Variants in COMMD10 observed in about 807,000 individuals in gnomAD.
COMMD10 encodes COMM domain-containing protein 10.
A neutral mutation model predicts 28.9 loss-of-function variants in COMMD10; 33 were observed. The ratio of observed to expected loss-of-function variants is 1.14; its 90% confidence interval spans 0.87 to 1.53. COMMD10 has a LOEUF of 1.53. COMMD10 is among the 40% of genes most tolerant of loss of function. The pLI is 0.00. For missense variants in COMMD10, 310 were observed against 233.4 expected (o/e 1.33, Z -2.14); for synonymous variants, 110 against 81.7 (o/e 1.35, Z -1.87).
chr5:116,237,857 G>T lies in COMMD10; in HGVS notation c.511-53660G>T, dbSNP rs966032534. Among the ~76,000 whole-genome samples the T allele has an allele frequency of 5.9e-5, 9 of 152,218 alleles. No homozygotes were observed. In the South Asian group the frequency reaches 1.9e-3, roughly 32 times the overall value. On this transcript the variant is annotated intron_variant, in intron 5 of 6. Transcript: ENST00000274458. The stretch of plus-strand genomic sequence containing the variant: ...TACTAATATCATCAACTCCTACTGA[G>T]AATTAGAATAACAGTAGAAACTTTG...
At chr5:116,270,401 CTTTACAGTTGGTTGTGGAGAAGATA>C (rs1245029022) in intron 5 of COMMD10, among the ~76,000 whole-genome samples, 1 of 151,818 alleles carries the variant, frequency 6.6e-6, no homozygotes, top group Non-Finnish European at 1.5e-5. Flanking sequence ...AAAGGTAGAA[CTTTACAGTTGGTTGTGGAGAAGATA>C]TTGACTGTCT....
chr5:116,090,063 A>G (rs201815170), intron 2 of COMMD10, among the ~76,000 whole-genome samples: 1 of 152,096 alleles, frequency 6.6e-6, no homozygotes, highest in East Asian at 1.9e-4. Context: ...CTTTTATTTT[A>G]TTAAGTTTGA....
intron 5 of COMMD10, among the ~76,000 whole-genome samples, chr5:116,144,844 G>T (rs957789215): frequency 2.6e-5 from 4 of 151,790 alleles, no homozygotes; most frequent in African/African-American, 9.7e-5. Context: ...TTATGTAGGG[G>T]AATGTGGATT....
At chr5:116,234,798 G>A (rs1749619076) in intron 5 of COMMD10, among the ~76,000 whole-genome samples, 1 of 152,206 alleles carries the variant, frequency 6.6e-6, no homozygotes, top group Non-Finnish European at 1.5e-5. Context: ...AAGGTTCTCA[G>A]AGTCTGTTTT....
chr5:116,210,602 A>G (rs1030460182), intron 5 of COMMD10, among the ~76,000 whole-genome samples: 4 of 152,142 alleles, frequency 2.6e-5, no homozygotes, highest in Non-Finnish European at 5.9e-5. Context: ...GTCAGCATTT[A>G]TGAATAGTCT....
intron 4 of COMMD10, among the ~76,000 whole-genome samples, chr5:116,116,372 T>A (rs1751234117): frequency 6.6e-6 from 1 of 152,206 alleles, no homozygotes; most frequent in Non-Finnish European, 1.5e-5. Flanking sequence ...GTCGAATGGC[T>A]TTGTCCTAAA....
In COMMD10 at chr5:116,179,699, A is replaced by G. The variant is rs527701362; in HGVS notation, c.510+45521A>G. ...TTGCAAACCAGGTAGTTTTTATGGGATAGGCACCAGAATGCTTTTATAGAT... is the reference window on the plus strand; with the variant it reads ...TTGCAAACCAGGTAGTTTTTATGGGGTAGGCACCAGAATGCTTTTATAGAT... On this transcript the variant is annotated intron_variant, in intron 5 of 6. Coordinates refer to ENST00000274458, the MANE Select transcript of COMMD10 (RefSeq NM_016144.4). Among the ~76,000 whole-genome samples the G allele has an allele frequency of 4.3e-4, 65 of 152,260 alleles. No individual in the cohort carries two copies. The South Asian group carries it at 0.013, about 32-fold the overall frequency.
intron 5 of COMMD10, among the ~76,000 whole-genome samples, chr5:116,283,427 A>G (rs1426005260): frequency 2.0e-5 from 3 of 151,018 alleles, no homozygotes; most frequent in South Asian, 4.2e-4. Flanking sequence ...GCTCACTGCA[A>G]CCTCCACCTC....
At chr5:116,277,003 T>C (rs796423575) in intron 5 of COMMD10, among the ~76,000 whole-genome samples, 8 of 151,946 alleles carry the variant, frequency 5.3e-5, no homozygotes, top group African/African-American at 1.7e-4. Flanking sequence ...CATTGAATTA[T>C]GCACTTTAAG....
chr5:116,218,228 CT>C, intron 5 of COMMD10: 3 of 756,288 alleles, frequency 4.0e-6, no homozygotes, highest in Non-Finnish European at 7.4e-6. Flanking sequence ...TGCAGATCTT[CT>C]CTGTGGTTCG....
chr5:116,244,555 A>T (rs1749890656), intron 5 of COMMD10, among the ~76,000 whole-genome samples: 1 of 150,766 alleles, frequency 6.6e-6, no homozygotes, highest in Non-Finnish European at 1.5e-5. Flanking sequence ...ATATCTGAGG[A>T]GGGGTAAAGA....
chr5:116,099,937 A>G (rs1456351040), intron 4 of COMMD10, among the ~76,000 whole-genome samples: 1 of 152,082 alleles, frequency 6.6e-6, no homozygotes, highest in African/African-American at 2.4e-5. Flanking sequence ...GGATTTTTTG[A>G]ATTTTGGAAT....
At chr5:116,278,490 T>C (rs902798696) in intron 5 of COMMD10, among the ~76,000 whole-genome samples, 2 of 151,852 alleles carry the variant, frequency 1.3e-5, no homozygotes, top group Non-Finnish European at 2.9e-5. Context: ...AGTGATGATA[T>C]GACTGCCAAG....
intron 5 of COMMD10, among the ~76,000 whole-genome samples, chr5:116,225,442 C>T (rs754509120): frequency 7.1e-6 from 1 of 140,846 alleles, no homozygotes; most frequent in African/African-American, 2.6e-5. Context: ...TGGGTTCTGT[C>T]ATATTCTTTT....
chr5:116,097,222 G>A (rs950525959), intron 4 of COMMD10, among the ~76,000 whole-genome samples: 2 of 152,116 alleles, frequency 1.3e-5, no homozygotes, highest in Non-Finnish European at 2.9e-5. Context: ...GAGAATGCTG[G>A]AAATTATCTT....
chr5:116,133,138 A>C (rs1751913469), intron 4 of COMMD10, among the ~76,000 whole-genome samples: 1 of 152,170 alleles, frequency 6.6e-6, no homozygotes, highest in African/African-American at 2.4e-5. Context: ...AGTTTTACTA[A>C]ATCTATTATT....
Position 116,107,854 on chromosome 5 carries a change from G to A in COMMD10, c.399+15154G>A, listed in dbSNP as rs1489074478. Among the ~76,000 whole-genome samples the A allele has an allele frequency of 3.3e-5, 5 of 152,256 alleles. No individual in the cohort carries two copies. In the South Asian group the frequency reaches 8.3e-4, roughly 25 times the overall value. On this transcript the variant is annotated intron_variant, in intron 4 of 6. Transcript: ENST00000274458. Reference sequence around the variant, plus strand: ...TGTTCTTTGATGTTGGTGACCTTTGGAAGAGGTCTCTGAGTGGCCGTACTT... The same window carrying A: ...TGTTCTTTGATGTTGGTGACCTTTGAAAGAGGTCTCTGAGTGGCCGTACTT...
intron 5 of COMMD10, among the ~76,000 whole-genome samples, chr5:116,249,756 G>C (rs900741332): frequency 4.6e-5 from 7 of 151,876 alleles, no homozygotes; most frequent in Non-Finnish European, 8.8e-5. Flanking sequence ...ATGTAGTACA[G>C]ATTTTAAGTT....
chr5:116,091,779 G>T (rs113808174), intron 3 of COMMD10, among the ~76,000 whole-genome samples: 135 of 152,190 alleles, frequency 8.9e-4, no homozygotes, highest in African/African-American at 3.1e-3. Context: ...TATTTTTTGT[G>T]TATCTTATAT....
Sources: gnomAD v4.1 joint callset for allele counts (sites outside exome capture counted in the v4.1 genomes callset) on GRCh38, gnomAD v4.1.1 for gene constraint, MANE v1.5 for transcripts, NCBI Gene and HGNC (gene_info 2026-07-23, HGNC 2026-07-21) for gene names.